The following UHRF2 variants were observed in gnomAD, a reference collection of about 807,000 sequenced individuals.
The protein encoded by UHRF2 is ubiquitin like with PHD and ring finger domains 2, also known as E3 ubiquitin-protein ligase UHRF2.
Under a neutral mutation model 96.8 loss-of-function variants are expected in UHRF2, and 23 were observed. The ratio of observed to expected loss-of-function variants is 0.24; its 90% CI spans 0.17 to 0.34. The LOEUF is 0.34. Ranked by LOEUF, UHRF2 falls within the 10% of genes least tolerant of loss-of-function variation. UHRF2 has a pLI of 1.00. For missense variants in UHRF2, 685 were observed against 981.5 expected, an observed-to-expected ratio of 0.70 and a Z score of 4.04; for synonymous variants, 385 against 332.6, an observed-to-expected ratio of 1.16 and a Z score of -1.72.
intron 3 of UHRF2, among the ~76,000 whole-genome samples, chr9:6,449,062 C>G (rs1209962214): frequency 6.6e-6 from 1 of 152,144 alleles, no homozygotes; most frequent in Non-Finnish European, 1.5e-5. Flanking sequence ...TATTTTGAAG[C>G]AAGTCCTGAA....
intron 4 of UHRF2, among the ~76,000 whole-genome samples, chr9:6,467,606 T>TG (rs1563780581): frequency 2.0e-5 from 3 of 150,812 alleles, no homozygotes; most frequent in Admixed American, 6.6e-5. Context: ...TTTTTTTTTT[T>TG]TTTTTTTTTT....
chr9:6,438,589 G>T (rs1820987346), intron 3 of UHRF2, among the ~76,000 whole-genome samples: 1 of 152,220 alleles, frequency 6.6e-6, no homozygotes, highest in Non-Finnish European at 1.5e-5. Context: ...GAGTGTAGCA[G>T]TGTAGTTTGA....
intron 4 of UHRF2, among the ~76,000 whole-genome samples, chr9:6,473,036 G>C: frequency 6.6e-6 from 1 of 152,172 alleles, no homozygotes; most frequent in Admixed American, 6.6e-5. Context: ...GTTGCAGTAA[G>C]CTTTCCTAGT....
chr9:6,445,665 C>G (rs1256459612), intron 3 of UHRF2, among the ~76,000 whole-genome samples: 1 of 152,176 alleles, frequency 6.6e-6, no homozygotes, highest in Non-Finnish European at 1.5e-5. Flanking sequence ...TCAAGTGATC[C>G]TCCTACCTCA....
chr9:6,442,940 G>A (rs886403039), intron 3 of UHRF2, among the ~76,000 whole-genome samples: 1 of 152,104 alleles, frequency 6.6e-6, no homozygotes, highest in Non-Finnish European at 1.5e-5. Context: ...GTAAGTGTAA[G>A]GAAACTATTC....
chr9:6,416,769 C>A (rs1364039517), intron 1 of UHRF2, among the ~76,000 whole-genome samples: 2 of 151,524 alleles, frequency 1.3e-5, no homozygotes, highest in African/African-American at 4.8e-5. Context: ...CCTCGTGATC[C>A]GCCCGCCTCG....
intron 14 of UHRF2, among the ~76,000 whole-genome samples, chr9:6,503,516 C>T (rs1816410688): frequency 6.6e-6 from 1 of 151,854 alleles, no homozygotes; most frequent in East Asian, 1.9e-4. Context: ...TTTATAATTT[C>T]CTCCTACTGT....
chr9:6,437,673 A>G (rs1425196205), intron 3 of UHRF2, among the ~76,000 whole-genome samples: 1 of 152,184 alleles, frequency 6.6e-6, no homozygotes, highest in Non-Finnish European at 1.5e-5. Context: ...GCTGGAGTGC[A>G]GTGGTGCGAT....
At chr9:6,489,875 G>C (rs577707596) in intron 9 of UHRF2, among the ~76,000 whole-genome samples, 8 of 152,072 alleles carry the variant, frequency 5.3e-5, no homozygotes, top group East Asian at 1.9e-4. Context: ...ATAGAAAAGC[G>C]TGCTGGCTTT....
Position 6,500,603 on chromosome 9 carries a change from C to G in UHRF2, c.2057C>G (p.Ala686Gly), listed in dbSNP as rs373140915. 2.5e-6 allele frequency: 4 copies of G among 1,613,586 alleles called. No homozygotes were observed. The highest frequency in any genetic ancestry group is 2.7e-5 in the African/African-American group (2 of 75,026). ...TACAAAGCATCAGATTCAGCAGAAGCAATTGAGGCTTTTCAACTAACTCCT... is the reference window on the plus strand; with the variant it reads ...TACAAAGCATCAGATTCAGCAGAAGGAATTGAGGCTTTTCAACTAACTCCT... ...KVYKASDSAE[A>G]IEAFQLTPQQ... The change falls in exon 14 of 16, where the codon GCA (alanine) becomes GGA (glycine). Residue 686 changes from alanine (A) to glycine (G), a missense_variant. By Grantham distance (60) the Ala-to-Gly change is moderately conservative. This residue lies in a region of UHRF2 where 99 missense variants were observed against 73.5 expected (regional missense o/e 1.35). Coordinates refer to ENST00000276893, the MANE Select transcript of UHRF2 (RefSeq NM_152896.3).
Position 6,420,932 on chromosome 9 carries a change from A to G in UHRF2, c.174A>G (p.Leu58=), listed in dbSNP as rs748274089. ...RGKQLENGYT[L]FDYDVGLNDI... is the part of the protein sequence containing the mutation. Reference sequence around the variant, plus strand: ...TCTAGTTGGAAAATGGATATACCTTATTTGATTATGATGTTGGACTGAATG... The same window carrying G: ...TCTAGTTGGAAAATGGATATACCTTGTTTGATTATGATGTTGGACTGAATG... The change falls in exon 2 of 16, where the codon TTA becomes TTG. Residue 58 remains leucine, a synonymous_variant. Coordinates refer to ENST00000276893, the MANE Select transcript of UHRF2 (RefSeq NM_152896.3). 3 of 1,613,918 alleles carry G rather than the reference A, an allele frequency of 1.9e-6. No individual in the cohort carries two copies. The highest frequency in any genetic ancestry group is 3.3e-5 in the Admixed American group (2 of 60,010).
chr9:6,473,710 A>G (rs922081450), intron 4 of UHRF2, among the ~76,000 whole-genome samples: 1 of 152,212 alleles, frequency 6.6e-6, no homozygotes, highest in African/African-American at 2.4e-5. Flanking sequence ...TGGGGGCCAG[A>G]TGGTCTGTCA....
intron 3 of UHRF2, 109 bp from the exon 4 acceptor site, chr9:6,460,464 T>C: frequency 3.3e-6 from 3 of 905,404 alleles, no homozygotes; most frequent in Non-Finnish European, 4.9e-6. Context: ...CAACCTATTT[T>C]ACTCTTTCTC....
chr9:6,450,206 T>G (rs1206678571), intron 3 of UHRF2, among the ~76,000 whole-genome samples: 2 of 152,088 alleles, frequency 1.3e-5, no homozygotes, highest in Non-Finnish European at 2.9e-5. Flanking sequence ...CTTAATTATC[T>G]ATTTAAAAAT....
At chr9:6,485,331 T>A (rs1824201758) in intron 8 of UHRF2, among the ~76,000 whole-genome samples, 1 of 152,190 alleles carries the variant, frequency 6.6e-6, no homozygotes, top group South Asian at 2.1e-4. Flanking sequence ...TCTTTTTTCG[T>A]ATACCTGTCT....
intron 2 of UHRF2, among the ~76,000 whole-genome samples, chr9:6,426,141 C>T (rs1056183566): frequency 2.0e-5 from 3 of 152,216 alleles, no homozygotes; most frequent in Non-Finnish European, 2.9e-5. Flanking sequence ...CCTTCCTCTT[C>T]CCTCCCCAAT....
At chr9:6,424,519 CT>C (rs1419421909) in intron 2 of UHRF2, among the ~76,000 whole-genome samples, 1 of 152,116 alleles carries the variant, frequency 6.6e-6, no homozygotes, top group Non-Finnish European at 1.5e-5. Flanking sequence ...TCCATCATTA[CT>C]TTTAAAATAA....
rs569356957 is a variant in UHRF2 at position 6,438,379 on chromosome 9, C to G, written c.644+4206C>G. ...TAGATGACCTGTAATGACAGCATGT[C>G]ATTTTTACCTCTAAGCCAGTGTCTC... is the stretch of plus-strand genomic sequence containing the variant. On this transcript the variant is annotated intron_variant, in intron 3 of 15. Transcript: ENST00000276893. Among the ~76,000 whole-genome samples, 3 of 152,318 alleles carry G rather than the reference C, an allele frequency of 2.0e-5. No homozygotes were observed. In the East Asian group the frequency reaches 5.8e-4, roughly 29 times the overall value.
At chr9:6,449,045 A>C (rs1821693985) in intron 3 of UHRF2, among the ~76,000 whole-genome samples, 1 of 152,128 alleles carries the variant, frequency 6.6e-6, no homozygotes, top group South Asian at 2.1e-4. Flanking sequence ...TTTGAGCACC[A>C]CTGTATTATT....
Sources: gnomAD v4.1 joint callset for allele counts (sites outside exome capture counted in the v4.1 genomes callset) on GRCh38, gnomAD v4.1.1 for gene constraint, gnomAD v4.1.1 regional missense constraint, MANE v1.5 for transcripts, NCBI Gene and HGNC (gene_info 2026-07-23, HGNC 2026-07-21) for gene names.